Variants in BABAM2 observed in about 807,000 individuals in gnomAD.
BABAM2 encodes the protein BRISC and BRCA1-A complex member 2.
In BABAM2, 31 loss-of-function variants were observed where a neutral mutation model predicts 54.7. The observed-to-expected ratio is 0.57, with a 90% CI of 0.43 to 0.77. The LOEUF is 0.77. Among genes scored for constraint, BABAM2 ranks in the 30% least tolerant of loss-of-function variants. The pLI is 0.00. For missense variants in BABAM2, 364 were observed against 455.8 expected (o/e 0.80, Z 1.83); for synonymous variants, 167 against 162.9 (o/e 1.03, Z -0.19).
intron 1 of BABAM2, among the ~76,000 whole-genome samples, chr2:27,893,345 A>G (rs1665016818): frequency 6.6e-6 from 1 of 152,224 alleles, no homozygotes; most frequent in Non-Finnish European, 1.5e-5. Context: ...TTAGTGCCTT[A>G]AAGTCAAATA....
chr2:28,329,878 A>G lies in BABAM2; in HGVS notation c.1089-8572A>G, dbSNP rs986245037. ...ACCAAAACCTGGCAGAGATACAACA[A>G]AAAAAGAAAATGTCAGGCCAATACT... On this transcript the variant is annotated intron_variant, in intron 11 of 11. Coordinates refer to ENST00000379624, the MANE Select transcript of BABAM2 (RefSeq NM_199191.3). This position sits in a 1 kb window ranked among gnomAD's most constrained non-coding sequence, Gnocchi z 4.2. Among the ~76,000 whole-genome samples the G allele has an allele frequency of 1.3e-5, 2 of 152,308 alleles. No homozygotes were observed. The highest frequency in any genetic ancestry group is 6.5e-5 in the Admixed American group (1 of 15,292).
chr2:28,133,228 C>T (rs1670242334), intron 7 of BABAM2, among the ~76,000 whole-genome samples: 1 of 152,196 alleles, frequency 6.6e-6, no homozygotes, highest in African/African-American at 2.4e-5. Context: ...CATGCCATTT[C>T]AAGAAGGCTG....
intron 10 of BABAM2, among the ~76,000 whole-genome samples, chr2:28,254,340 T>C (rs1052328238): frequency 6.6e-6 from 1 of 152,202 alleles, no homozygotes; most frequent in African/African-American, 2.4e-5. Flanking sequence ...TTTGACTATG[T>C]TGGCCAGGCT....
At chr2:28,045,635 G>C (rs1489612698) in intron 5 of BABAM2, 90 bp from the exon 6 acceptor site, 2 of 1,092,816 alleles carry the variant, frequency 1.8e-6, no homozygotes, top group Non-Finnish European at 2.6e-6. Context: ...CCTGCATTTT[G>C]AACAGGTTGA....
At chr2:27,961,529 A>G (rs1262598631) in intron 3 of BABAM2, among the ~76,000 whole-genome samples, 1 of 152,178 alleles carries the variant, frequency 6.6e-6, no homozygotes, top group East Asian at 1.9e-4. Flanking sequence ...GATGTTCAGT[A>G]GGTTATTAAA....
In BABAM2 at chr2:27,937,932, G is replaced by T. The variant is rs547502506; in HGVS notation, c.205+8024G>T. ...TATGTTTTCTTCTAGTAGTTTCATA[G>T]TTTCCGATCTTACGTTTAACTCTTT... On this transcript the variant is annotated intron_variant, in intron 3 of 11. Transcript: ENST00000379624. 5.9e-5 allele frequency among the ~76,000 whole-genome samples: 9 copies of T among 152,238 alleles called. 1 individual carries two copies. Among genetic ancestry groups the T allele is most frequent in the African/African-American group, 2.2e-4 (9 of 41,540 alleles).
chr2:28,044,174 A>AGGTT (rs1477480630), intron 5 of BABAM2, among the ~76,000 whole-genome samples: 6 of 152,208 alleles, frequency 3.9e-5, no homozygotes, highest in African/African-American at 7.2e-5. Flanking sequence ...TCAGAGCTCA[A>AGGTT]TATATTTCTG....
At chr2:28,133,774 T>C (rs1161243567) in intron 7 of BABAM2, among the ~76,000 whole-genome samples, 2 of 152,224 alleles carry the variant, frequency 1.3e-5, no homozygotes, top group Non-Finnish European at 2.9e-5. Context: ...TATTGATTTG[T>C]TGTACCCTAA....
intron 7 of BABAM2, among the ~76,000 whole-genome samples, chr2:28,219,904 G>A (rs1000925942): frequency 6.6e-6 from 1 of 152,170 alleles, no homozygotes; most frequent in Non-Finnish European, 1.5e-5. Flanking sequence ...TGGCTGCAGG[G>A]ACTTTGGTGA....
At chr2:28,241,494 CAT>C (rs1682425139) in intron 9 of BABAM2, 101 bp downstream of exon 9, 2 of 1,084,796 alleles carry the variant, frequency 1.8e-6, no homozygotes, top group Non-Finnish European at 2.8e-6. Context: ...AGTTCTTACA[CAT>C]GATACCTTTT....
intron 7 of BABAM2, among the ~76,000 whole-genome samples, chr2:28,184,930 A>G (rs1180273030): frequency 2.6e-5 from 4 of 152,206 alleles, no homozygotes; most frequent in African/African-American, 9.6e-5. Context: ...TATTTTCTTA[A>G]GACTTTATCT....
At chr2:27,983,049 A>T (rs1672139621) in intron 3 of BABAM2, among the ~76,000 whole-genome samples, 1 of 151,966 alleles carries the variant, frequency 6.6e-6, no homozygotes, top group African/African-American at 2.4e-5. Context: ...TTTCTGGATC[A>T]TATGTTAATT....
intron 10 of BABAM2, among the ~76,000 whole-genome samples, chr2:28,248,207 C>CTTTTTCTTTTTTTTTTTTT (rs1553349503): frequency 0.012 from 661 of 54,240 alleles, 40 homozygotes; most frequent in Non-Finnish European, 0.018. Flanking sequence ...TTTTCTTTTT[C>CTTTTTCTTTTTTTTTTTTT]TTTTTTTTTT....
intron 6 of BABAM2, among the ~76,000 whole-genome samples, chr2:28,094,287 G>C (rs1310106583): frequency 6.6e-6 from 1 of 152,078 alleles, no homozygotes; most frequent in Non-Finnish European, 1.5e-5. Context: ...TTTTGGTCTT[G>C]TTCGTGGCTG....
intron 5 of BABAM2, among the ~76,000 whole-genome samples, chr2:28,040,563 G>A (rs1293241642): frequency 1.3e-5 from 2 of 151,984 alleles, no homozygotes; most frequent in Non-Finnish European, 2.9e-5. Flanking sequence ...GCCTCCCAAA[G>A]TGCTGGGATT....
At chr2:28,060,219 A>G (rs1469623503) in intron 6 of BABAM2, among the ~76,000 whole-genome samples, 1 of 152,212 alleles carries the variant, frequency 6.6e-6, no homozygotes, top group African/African-American at 2.4e-5. Context: ...AATATAACTA[A>G]TCATATTAAC....
chr2:28,062,039 C>G (rs1194812862), intron 6 of BABAM2, among the ~76,000 whole-genome samples: 1 of 152,098 alleles, frequency 6.6e-6, no homozygotes, highest in Non-Finnish European at 1.5e-5. Context: ...CAGGGGATCA[C>G]CTGAGGTCAG....
At chr2:28,026,951 TATATATAA>T (rs201886672) in intron 5 of BABAM2, among the ~76,000 whole-genome samples, 49,705 of 68,194 alleles carry the variant, frequency 0.73, 18,074 homozygotes, top group Middle Eastern at 0.87. Flanking sequence ...TATATATTAA[TATATATAA>T]ATATATATAT....
intron 4 of BABAM2, among the ~76,000 whole-genome samples, chr2:28,001,623 A>G (rs189652972): frequency 3.4e-4 from 52 of 152,352 alleles, no homozygotes; most frequent in Non-Finnish European, 5.9e-4. Context: ...TTGGGCTCAC[A>G]GTTCTGCAGG....
Sources: gnomAD v4.1 joint callset for allele counts (sites outside exome capture counted in the v4.1 genomes callset) on GRCh38, gnomAD v4.1.1 for gene constraint, Gnocchi (gnomAD v3.1) non-coding constraint, MANE v1.5 for transcripts, NCBI Gene and HGNC (gene_info 2026-07-23, HGNC 2026-07-21) for gene names.